The following SNTG1 variants were observed in gnomAD, a reference collection of about 807,000 sequenced individuals.
SNTG1 encodes gamma-1-syntrophin.
Under a neutral mutation model 74.7 loss-of-function variants are expected in SNTG1, and 39 were observed. The ratio of observed to expected loss-of-function variants is 0.52; its 90% CI spans 0.40 to 0.68. The LOEUF (loss-of-function observed/expected upper bound fraction) is 0.68, where lower values mean the gene tolerates loss of function less well. Ranked by LOEUF, SNTG1 falls within the 30% of genes least tolerant of loss-of-function variation. The pLI is 0.00. For missense variants in SNTG1, 685 were observed against 609.5 expected (o/e 1.12, Z -1.30); for synonymous variants, 254 against 217.1 (o/e 1.17, Z -1.49).
At chr8:50,599,929 T>C (rs574679272) in intron 13 of SNTG1, among the ~76,000 whole-genome samples, 142 of 152,284 alleles carry the variant, frequency 9.3e-4, no homozygotes, top group Non-Finnish European at 1.5e-3. Context: ...CTATTCATTA[T>C]AATACTACCT....
chr8:49,929,860 TC>T (rs1255209880), intron 1 of SNTG1, among the ~76,000 whole-genome samples: 14 of 68,504 alleles, frequency 2.0e-4, no homozygotes, highest in Non-Finnish European at 3.0e-4. Context: ...ATGCTATCCC[TC>T]CCCCCTCCCC....
chr8:50,253,864 A>G (rs1267755464), intron 2 of SNTG1, among the ~76,000 whole-genome samples: 1 of 151,684 alleles, frequency 6.6e-6, no homozygotes, highest in Non-Finnish European at 1.5e-5. Flanking sequence ...AAAAAAAAAA[A>G]AGTTCATCTC....
At chr8:50,101,789 A>G (rs1322897639) in intron 1 of SNTG1, among the ~76,000 whole-genome samples, 1 of 150,770 alleles carries the variant, frequency 6.6e-6, no homozygotes, top group Admixed American at 6.6e-5. Flanking sequence ...ATTCCCACCT[A>G]TGAGTGAGAA....
At position 50,282,705 on chromosome 8, in the gene SNTG1, G is replaced by A. The variant is rs191428498; in HGVS notation, c.-28+110070G>A. Among the ~76,000 whole-genome samples the A allele has an allele frequency of 6.0e-4, 91 of 152,252 alleles. 1 individual carries two copies. The highest frequency in any genetic ancestry group is 5.9e-3 in the Admixed American group (90 of 15,280). The stretch of plus-strand genomic sequence containing the variant: ...CACTTGAACCCAGGAGGCGGAGGTT[G>A]CAGTGAGCTGAGATCGTGCCACTGC... On this transcript the variant is annotated intron_variant, in intron 2 of 18. Transcript: ENST00000642720.
rs146781119 is a variant in SNTG1, at chr8:50,036,162, T to G, written c.-103+123931T>G. Reference sequence around the variant, plus strand: ...TCATGTGAATGCACAAGAATATGCATTGAATGTGTTTCATTTCACAGATAG... The same window carrying G: ...TCATGTGAATGCACAAGAATATGCAGTGAATGTGTTTCATTTCACAGATAG... On this transcript the variant is annotated intron_variant, in intron 1 of 18. Coordinates refer to ENST00000642720, the MANE Select transcript of SNTG1 (RefSeq NM_018967.5). 3.2e-3 allele frequency among the ~76,000 whole-genome samples: 495 copies of G among 152,310 alleles called. 6 individuals carry two copies. Among genetic ancestry groups the G allele is most frequent in the African/African-American group, 0.011 (467 of 41,562 alleles).
chr8:50,630,194 G>T (rs1017374148), intron 13 of SNTG1, among the ~76,000 whole-genome samples: 1 of 151,960 alleles, frequency 6.6e-6, no homozygotes, highest in African/African-American at 2.4e-5. Context: ...ATTAATTTGT[G>T]TCTATATCTG....
intron 15 of SNTG1, among the ~76,000 whole-genome samples, chr8:50,662,607 A>T (rs1191627161): frequency 6.6e-6 from 1 of 152,236 alleles, no homozygotes; most frequent in East Asian, 1.9e-4. Context: ...GTGCTCTTGC[A>T]CATGATACTA....
At chr8:50,272,079 A>G (rs1274190897) in intron 2 of SNTG1, among the ~76,000 whole-genome samples, 1 of 152,178 alleles carries the variant, frequency 6.6e-6, no homozygotes, top group Non-Finnish European at 1.5e-5. Flanking sequence ...CCCAGCCTTC[A>G]GTACTGTGAG....
intron 1 of SNTG1, among the ~76,000 whole-genome samples, chr8:49,978,438 C>T (rs1472670364): frequency 6.6e-6 from 1 of 152,214 alleles, no homozygotes; most frequent in African/African-American, 2.4e-5. Flanking sequence ...CTATACTTAA[C>T]AGAGAAATGT....
At chr8:49,981,921 T>C (rs1812714620) in intron 1 of SNTG1, among the ~76,000 whole-genome samples, 1 of 152,168 alleles carries the variant, frequency 6.6e-6, no homozygotes, top group Non-Finnish European at 1.5e-5. Context: ...TTAGAATATC[T>C]TAATTTTATT....
intron 2 of SNTG1, among the ~76,000 whole-genome samples, chr8:50,366,704 T>C (rs1489218609): frequency 6.8e-6 from 1 of 146,822 alleles, no homozygotes; most frequent in African/African-American, 2.5e-5. Flanking sequence ...TTATATAATA[T>C]ATAATATACT....
At chr8:50,362,294 A>G (rs1011033197) in intron 2 of SNTG1, among the ~76,000 whole-genome samples, 1 of 152,192 alleles carries the variant, frequency 6.6e-6, no homozygotes, top group Non-Finnish European at 1.5e-5. Context: ...GTGCGGTACC[A>G]AAGAAGGGGA....
intron 17 of SNTG1, among the ~76,000 whole-genome samples, chr8:50,740,522 A>C (rs2095540641): frequency 6.6e-6 from 1 of 152,064 alleles, no homozygotes; most frequent in Admixed American, 6.6e-5. Context: ...GAAAAAGGAA[A>C]GCTTTTACCT....
At chr8:50,404,559 A>C (rs1466439157) in intron 4 of SNTG1, among the ~76,000 whole-genome samples, 1 of 152,102 alleles carries the variant, frequency 6.6e-6, no homozygotes, top group Admixed American at 6.6e-5. Flanking sequence ...TAATAAATTC[A>C]GGCATAGCAA....
At chr8:49,933,887 G>A (rs921377381) in intron 1 of SNTG1, among the ~76,000 whole-genome samples, 2 of 152,098 alleles carry the variant, frequency 1.3e-5, no homozygotes, top group African/African-American at 2.4e-5. Context: ...CAGGGATATC[G>A]CTACATATTT....
intron 2 of SNTG1, among the ~76,000 whole-genome samples, chr8:50,296,899 G>A (rs978847100): frequency 5.9e-5 from 9 of 152,244 alleles, no homozygotes; most frequent in South Asian, 2.1e-4. Context: ...AGTAGTAAGC[G>A]CAAGAAGTAC....
At chr8:50,390,112 C>T (rs7012871) in intron 2 of SNTG1, among the ~76,000 whole-genome samples, 1 of 150,412 alleles carries the variant, frequency 6.6e-6, no homozygotes, top group African/African-American at 2.4e-5. Flanking sequence ...TCAATTTTGG[C>T]TTTTGTTGCC....
intron 2 of SNTG1, among the ~76,000 whole-genome samples, chr8:50,302,831 C>A (rs368236336): frequency 1.3e-5 from 2 of 152,118 alleles, no homozygotes; most frequent in Non-Finnish European, 2.9e-5. Flanking sequence ...GCCAAAGAAA[C>A]TTCTTTTCTT....
At chr8:50,695,951 A>G (rs1437325062) in intron 15 of SNTG1, among the ~76,000 whole-genome samples, 2 of 151,948 alleles carry the variant, frequency 1.3e-5, no homozygotes, top group Non-Finnish European at 2.9e-5. Context: ...ATGTTTTGAT[A>G]AAATGATTTC....
Sources: allele counts gnomAD v4.1 joint callset (sites outside exome capture counted in the v4.1 genomes callset), GRCh38; gene constraint gnomAD v4.1.1; transcripts MANE v1.5; gene names NCBI Gene and HGNC (gene_info 2026-07-23, HGNC 2026-07-21).